The following CPNE6 variants were observed in gnomAD, a reference collection of about 807,000 sequenced individuals.
The protein encoded by CPNE6 is copine-6.
A neutral mutation model predicts 71.5 loss-of-function variants in CPNE6; 33 were observed. The observed-to-expected ratio is 0.46, with a 90% confidence interval of 0.35 to 0.62. CPNE6 has a LOEUF of 0.62. Ranked by LOEUF, CPNE6 falls within the 20% of genes least tolerant of loss-of-function variation. CPNE6 has a pLI of 0.00. For synonymous variants in CPNE6, 296 were observed against 293.0 expected (o/e 1.01, Z -0.10); for missense variants, 576 against 747.3 (o/e 0.77, Z 2.67).
chr14:24,071,150 T>C, intron 1 of CPNE6: 2 of 1,151,938 alleles, frequency 1.7e-6, no homozygotes, highest in Non-Finnish European at 2.5e-6. Context: ...TGTTTCCCAA[T>C]GTGTATCCGC....
In CPNE6 at chr14:24,074,624, T is replaced by A; in HGVS notation, c.582+10T>A. ...GGTCTGGAGAACTGAGGTTGGTGCCTGGGGCTATGGGGATGAAGGGAGGGA... is the reference window on the plus strand; with the variant it reads ...GGTCTGGAGAACTGAGGTTGGTGCCAGGGGCTATGGGGATGAAGGGAGGGA... On this transcript the variant is annotated intron_variant, in intron 7 of 17. Coordinates refer to ENST00000397016, the Ensembl canonical transcript of CPNE6. This position sits in a 1 kb window ranked among gnomAD's most constrained non-coding sequence, Gnocchi z 4.5. 1 of 1,614,014 alleles carries A rather than the reference T, an allele frequency of 6.2e-7. No individual in the cohort carries two copies. The highest frequency in any genetic ancestry group is 8.5e-7 in the Non-Finnish European group (1 of 1,179,904).
Position 24,074,204 on chromosome 14 carries a change from C to A in CPNE6, c.423+79C>A, listed in dbSNP as rs1472332706. ...TGGACACCTATGGTGACATCATGCC[C>A]AGGACCACCCCCACCTAAGGGAAAG... On this transcript the variant is annotated intron_variant, in intron 5 of 17. Coordinates refer to ENST00000397016, the Ensembl canonical transcript of CPNE6. This position sits in a 1 kb window ranked among gnomAD's most constrained non-coding sequence, Gnocchi z 4.5. 5.0e-6 allele frequency: 8 copies of A among 1,594,912 alleles called. No individual in the cohort carries two copies. Among genetic ancestry groups the A allele is most frequent in the Non-Finnish European group, 5.2e-6 (6 of 1,162,722 alleles).
chr14:24,073,718 C>A lies in CPNE6; in HGVS notation c.348+40C>A, dbSNP rs780032876. ...CCTCCCCGGCTACCCTACCCTACCT[C>A]CATCAGCTTTGCCTCTGGAAGCCAA... On this transcript the variant is annotated intron_variant, in intron 4 of 17. Coordinates refer to ENST00000397016, the Ensembl canonical transcript of CPNE6. This position sits in a 1 kb window ranked among gnomAD's most constrained non-coding sequence, Gnocchi z 5.5. The A allele has an allele frequency of 7.0e-6, 11 of 1,578,724 alleles. No individual in the cohort carries two copies. The African/African-American group carries it at 1.5e-4, about 21-fold the overall frequency.
At chr14:24,071,988 G>A (rs1335176347) in intron 2 of CPNE6, 2 of 276,352 alleles carry the variant, frequency 7.2e-6, no homozygotes, top group Non-Finnish European at 1.4e-5. Context: ...CACGGAGGGT[G>A]GGGCACTCAG....
chr14:24,072,958 TG>T lies in CPNE6; in HGVS notation c.25del (p.Val9CysfsTer7). 2 of 1,583,312 alleles carry T rather than the reference TG, an allele frequency of 1.3e-6. No individual in the cohort carries two copies. The highest frequency in any genetic ancestry group is 1.1e-5 in the South Asian group (1 of 88,238). On this transcript the variant is annotated frameshift_variant, in exon 3 of 18. Transcript: ENST00000397016. LOFTEE classifies it high-confidence loss of function. Reference sequence around the variant, plus strand: ...TGACATGTCGGACCCTGAGATGGGATGGGTGCCTGAGCCCCCAACCATGACG... The same window carrying T: ...TGACATGTCGGACCCTGAGATGGGATGGTGCCTGAGCCCCCAACCATGACG...
chr14:24,074,029 C>A lies in CPNE6; in HGVS notation c.349-22C>A, dbSNP rs1194748299. The A allele has an allele frequency of 1.9e-6, 3 of 1,604,358 alleles. No homozygotes were observed. The highest frequency in any genetic ancestry group is 2.2e-5 in the East Asian group (1 of 44,856). On this transcript the variant is annotated intron_variant, in intron 4 of 17. Coordinates refer to ENST00000397016, the Ensembl canonical transcript of CPNE6. The surrounding 1 kb of genome is among the most constrained non-coding windows in gnomAD (Gnocchi z 4.5). The stretch of plus-strand genomic sequence containing the variant: ...GCAGATGGGGATGTCACAGCTGGGT[C>A]TCCCTCCACCTCCATCCCCAGATTG...
Position 24,077,679 on chromosome 14 carries a change from T to C in CPNE6, c.1623T>C (p.Pro541=), listed in dbSNP as rs1436710504. The change falls in exon 17 of 18, where the codon CCT becomes CCC. Residue 541 remains proline (P), a synonymous_variant. Coordinates refer to ENST00000397016, the Ensembl canonical transcript of CPNE6. This position sits in a 1 kb window ranked among gnomAD's most constrained non-coding sequence, Gnocchi z 6.1. ...ACTACGCCAGCCAGGGCATCAGCCC[T>C]GGGGCTCCCAGGCCCTGCACACTGG... 3 of 1,586,478 alleles carry C rather than the reference T, an allele frequency of 1.9e-6. No homozygotes were observed. Among genetic ancestry groups the C allele is most frequent in the Non-Finnish European group, 2.6e-6 (3 of 1,166,578 alleles).
In CPNE6 at chr14:24,074,107, G is replaced by C; in HGVS notation, c.405G>C (p.Ala135=). ...TATTGCTGAAGAATGGGAAGACTGC[G>C]GGCAAGTCCACCATCACGGTAGGCA... Residue 135 remains alanine, a synonymous_variant, in exon 5 of 18, where the codon GCG becomes GCC. Coordinates refer to ENST00000397016, the Ensembl canonical transcript of CPNE6. This position sits in a 1 kb window ranked among gnomAD's most constrained non-coding sequence, Gnocchi z 4.5. 1 of 1,614,064 alleles carries C rather than the reference G, an allele frequency of 6.2e-7. No individual in the cohort carries two copies.
chr14:24,072,879 C>A, intron 2 of CPNE6, 54 bp from the exon 2 acceptor site: 2 of 1,430,498 alleles, frequency 1.4e-6, no homozygotes, highest in East Asian at 2.8e-5. Context: ...ATAGACCCCT[C>A]TGCTGGCAGG....
chr14:24,075,687 T>C lies in CPNE6; in HGVS notation c.864+96T>C. 1 of 1,378,396 alleles carries C rather than the reference T, an allele frequency of 7.3e-7. No homozygotes were observed. Among genetic ancestry groups the C allele is most frequent in the Non-Finnish European group, 1.0e-6 (1 of 985,818 alleles). 85.4% of individuals were successfully genotyped at this position (1,378,396 alleles called of 1,614,324 possible). A position where few individuals can be genotyped will look rare whatever the true frequency, so the allele number is the denominator to read the frequency against. On this transcript the variant is annotated intron_variant, in intron 10 of 17. Coordinates refer to ENST00000397016, the Ensembl canonical transcript of CPNE6. The surrounding 1 kb of genome is among the most constrained non-coding windows in gnomAD (Gnocchi z 4.3). ...CCCTTGTTTCAAAGACCAGTTTCTCTGCTTCTGGGAACTGGAAACCACCCC... is the reference window on the plus strand; with the variant it reads ...CCCTTGTTTCAAAGACCAGTTTCTCCGCTTCTGGGAACTGGAAACCACCCC...
exon 2 of CPNE6, chr14:24,071,613 G>A (rs1460112845): frequency 8.1e-7 from 1 of 1,233,016 alleles, no homozygotes; most frequent in East Asian, 2.5e-5. Context: ...CAGAGAGCCG[G>A]AGAGAGGAGC....
chr14:24,071,188 A>T, intron 1 of CPNE6: 1 of 1,016,218 alleles, frequency 9.8e-7, no homozygotes, highest in Non-Finnish European at 1.4e-6. Flanking sequence ...GTGGTGTCAC[A>T]GTGAGTTTAT....
chr14:24,076,568 A>T lies in CPNE6; in HGVS notation c.1165+11A>T, dbSNP rs746910839. On this transcript the variant is annotated intron_variant, in intron 14 of 17. Transcript: ENST00000397016. ...ATCCTGAATGTGAAGGTAAAAGGGG[A>T]GATTTTCACCTGCCCCGCCTCCCCG... 1 of 1,614,020 alleles carries T rather than the reference A, an allele frequency of 6.2e-7. No homozygotes were observed. The highest frequency in any genetic ancestry group is 8.5e-7 in the Non-Finnish European group (1 of 1,179,988).
In CPNE6 at chr14:24,075,106, C is replaced by T. The variant is rs1340858233; in HGVS notation, c.673-66C>T. 12 of 1,152,572 alleles carry T rather than the reference C, an allele frequency of 1.0e-5. No homozygotes were observed. Among genetic ancestry groups the T allele is most frequent in the Non-Finnish European group, 1.6e-5 (12 of 759,724 alleles). The allele number at this position is 1,152,572 out of a possible 1,614,324, so 71.4% of individuals were successfully genotyped here. A position where few individuals can be genotyped will look rare whatever the true frequency, so the allele number is the denominator to read the frequency against. ...CCCCCTACTCCAAGTCCCCGAGTCC[C>T]CCTACTCACCGTGAATACCGCAGAG... On this transcript the variant is annotated intron_variant, in intron 8 of 17. Transcript: ENST00000397016. The surrounding 1 kb of genome is among the most constrained non-coding windows in gnomAD (Gnocchi z 4.3).
chr14:24,078,074 A>G, exon 18 of CPNE6: 1 of 215,830 alleles, frequency 4.6e-6, no homozygotes. Flanking sequence ...TAATAAAGAG[A>G]ACTGCTCCTA....
rs2035943239 is a variant in CPNE6, at chr14:24,072,874, C to A, written c.-4-59C>A. ...GGGCCCAGGGACCCTAGAGGATAGA[C>A]CCCTCTGCTGGCAGGTGTTCCCTTT... On this transcript the variant is annotated intron_variant, in intron 2 of 17. Transcript: ENST00000397016. 7 of 1,410,662 alleles carry A rather than the reference C, an allele frequency of 5.0e-6. No individual in the cohort carries two copies. In the South Asian group the frequency reaches 6.2e-5, roughly 12 times the overall value. 87.4% of individuals were successfully genotyped at this position (1,410,662 alleles called of 1,614,324 possible). A position where few individuals can be genotyped will look rare whatever the true frequency, so the allele number is the denominator to read the frequency against.
Position 24,077,403 on chromosome 14 carries a change from G to A in CPNE6, c.1536+13G>A, listed in dbSNP as rs201733359. ...AGACTTCAAGGATGTGAGTCCCCCG[G>A]GCCCCTTCCGGCTGAAGGACTCCTC... On this transcript the variant is annotated intron_variant, in intron 16 of 17. Coordinates refer to ENST00000397016, the Ensembl canonical transcript of CPNE6. This position sits in a 1 kb window ranked among gnomAD's most constrained non-coding sequence, Gnocchi z 6.1. The A allele has an allele frequency of 1.2e-3, 1,990 of 1,610,254 alleles. No individual in the cohort carries two copies. Among genetic ancestry groups the A allele is most frequent in the Non-Finnish European group, 1.5e-3 (1,765 of 1,176,834 alleles).
chr14:24,076,882 T>C (rs1478548243), exon 15 of CPNE6: 1 of 1,612,872 alleles, frequency 6.2e-7, no homozygotes. Context: ...CTCACAGAGA[T>C]CTCAGGGGTC....
chr14:24,075,379 G>A lies in CPNE6; in HGVS notation c.777+103G>A. 1 of 1,385,688 alleles carries A rather than the reference G, an allele frequency of 7.2e-7. No homozygotes were observed. The highest frequency in any genetic ancestry group is 1.0e-6 in the Non-Finnish European group (1 of 974,970). The allele number at this position is 1,385,688 out of a possible 1,614,324, so 85.8% of individuals were successfully genotyped here. A position where few individuals can be genotyped will look rare whatever the true frequency, so the allele number is the denominator to read the frequency against. ...ATAGGTGATAGGAAGTGGAGAGGGT[G>A]GAAAGCACCTGGGCTCAGCTGAAGG... On this transcript the variant is annotated intron_variant, in intron 9 of 17. Transcript: ENST00000397016. This position sits in a 1 kb window ranked among gnomAD's most constrained non-coding sequence, Gnocchi z 4.3.
Sources: gnomAD v4.1 joint callset for allele counts on GRCh38, gnomAD v4.1.1 for gene constraint, Gnocchi (gnomAD v3.1) non-coding constraint, MANE v1.5 for transcripts, NCBI Gene and HGNC (gene_info 2026-07-23, HGNC 2026-07-21) for gene names.